FARS2: variants seen among roughly 807,000 people sequenced by gnomAD.
FARS2 encodes phenylalanine--tRNA ligase, mitochondrial.
A neutral mutation model predicts 46.4 loss-of-function variants in FARS2; 40 were observed. The ratio of observed to expected loss-of-function variants is 0.86; its 90% CI spans 0.67 to 1.12. The LOEUF is 1.12. Among genes scored for constraint, FARS2 ranks in the 50% most tolerant of loss-of-function variants. FARS2 has a pLI of 0.00. For missense variants in FARS2, 513 were observed against 567.9 expected, an observed-to-expected ratio of 0.90 and a Z score of 0.98; for synonymous variants, 234 against 214.9, an observed-to-expected ratio of 1.09 and a Z score of -0.78.
chr6:5,740,054 A>G (rs1365226354), intron 6 of FARS2, among the ~76,000 whole-genome samples: 1 of 152,214 alleles, frequency 6.6e-6, no homozygotes, highest in East Asian at 1.9e-4. Context: ...AAAGGCCCCC[A>G]GAGTCCATGC....
At chr6:5,540,835 G>A (rs573482724) in intron 4 of FARS2, among the ~76,000 whole-genome samples, 6 of 152,314 alleles carry the variant, frequency 3.9e-5, no homozygotes, top group African/African-American at 1.4e-4. Context: ...CTTCAATGAA[G>A]TTTTAGAGGA....
chr6:5,328,496 T>A (rs1221133942), intron 1 of FARS2, among the ~76,000 whole-genome samples: 1 of 152,188 alleles, frequency 6.6e-6, no homozygotes, highest in African/African-American at 2.4e-5. Context: ...AAGACGCAGG[T>A]TCTGGCTGAG....
chr6:5,338,982 G>A (rs1328250244), intron 1 of FARS2, among the ~76,000 whole-genome samples: 2 of 152,064 alleles, frequency 1.3e-5, no homozygotes, highest in African/African-American at 4.8e-5. Flanking sequence ...GTTTTTATGG[G>A]TGTCATATGT....
At position 5,466,673 on chromosome 6, in the gene FARS2, A is replaced by G. The variant is rs182417179; in HGVS notation, c.904+35501A>G. 7.5e-5 allele frequency: 74 copies of G among 985,380 alleles called. No homozygotes were observed. The East Asian group carries it at 6.5e-3, about 86-fold the overall frequency. 61.0% of individuals were successfully genotyped at this position (985,380 alleles called of 1,614,324 possible). On this transcript the variant is annotated intron_variant, in intron 4 of 6. Transcript: ENST00000274680. Reference sequence around the variant, plus strand: ...GGCATGCTGGCAAAGTGACTCAGTGATTTTCAAACCTGGGGAGCTGGATAA... The same window carrying G: ...GGCATGCTGGCAAAGTGACTCAGTGGTTTTCAAACCTGGGGAGCTGGATAA...
chr6:5,254,282 C>A, the FARS2 span, among the ~76,000 whole-genome samples: 1 of 152,214 alleles, frequency 6.6e-6, no homozygotes, highest in African/African-American at 2.4e-5. Flanking sequence ...CCAACTTCCA[C>A]TTCTTGAAGC....
chr6:5,511,201 A>G (rs1768432066), intron 4 of FARS2, among the ~76,000 whole-genome samples: 1 of 152,216 alleles, frequency 6.6e-6, no homozygotes, highest in African/African-American at 2.4e-5. Flanking sequence ...CAAGATGAAG[A>G]TTTTGTACAT....
chr6:5,503,105 T>A (rs1767896810), intron 4 of FARS2, among the ~76,000 whole-genome samples: 1 of 151,970 alleles, frequency 6.6e-6, no homozygotes, highest in South Asian at 2.1e-4. Context: ...ACATCCTCAC[T>A]AAATTAAGAA....
intron 4 of FARS2, among the ~76,000 whole-genome samples, chr6:5,536,980 C>T (rs1770241362): frequency 6.6e-6 from 1 of 152,112 alleles, no homozygotes; most frequent in Non-Finnish European, 1.5e-5. Context: ...ACTTAATTTC[C>T]CCCCACAATT....
chr6:5,335,503 ATTAG>A (rs1295098099), intron 1 of FARS2, among the ~76,000 whole-genome samples: 16 of 145,920 alleles, frequency 1.1e-4, no homozygotes, highest in Middle Eastern at 6.9e-3. Context: ...TGTAGAATTG[ATTAG>A]TTAGACTTAT....
chr6:5,383,082 A>G (rs901298243), intron 2 of FARS2, among the ~76,000 whole-genome samples: 2 of 152,198 alleles, frequency 1.3e-5, no homozygotes, highest in Non-Finnish European at 2.9e-5. Context: ...TGTTTAATGA[A>G]ATATCTGGGC....
At chr6:5,645,687 C>A (rs909252541) in intron 6 of FARS2, among the ~76,000 whole-genome samples, 3 of 152,180 alleles carry the variant, frequency 2.0e-5, no homozygotes, top group African/African-American at 7.2e-5. Flanking sequence ...ACTGGGGGAG[C>A]TTGGGTCCAG....
At chr6:5,558,993 A>G (rs1002648212) in intron 5 of FARS2, among the ~76,000 whole-genome samples, 7 of 152,152 alleles carry the variant, frequency 4.6e-5, no homozygotes, top group Non-Finnish European at 8.8e-5. Context: ...AAATGATGAT[A>G]TGTTCTAAAC....
chr6:5,467,775 CA>C (rs1489428626), intron 4 of FARS2, among the ~76,000 whole-genome samples: 1 of 151,972 alleles, frequency 6.6e-6, no homozygotes, highest in East Asian at 1.9e-4. Context: ...GTGGTCAGAC[CA>C]AAAGATGATT....
intron 6 of FARS2, among the ~76,000 whole-genome samples, chr6:5,735,963 A>C (rs1261972817): frequency 1.3e-5 from 2 of 152,374 alleles, no homozygotes; most frequent in South Asian, 2.1e-4. Flanking sequence ...GAAGGATATT[A>C]GATGAGTTAT....
At chr6:5,321,357 T>G (rs775997279) in intron 1 of FARS2, among the ~76,000 whole-genome samples, 20 of 152,226 alleles carry the variant, frequency 1.3e-4, no homozygotes, top group Admixed American at 2.0e-4. Flanking sequence ...TTTGTAGACG[T>G]AGCCTTTAAG....
At chr6:5,300,700 T>C (rs1421028588) in intron 1 of FARS2, among the ~76,000 whole-genome samples, 1 of 152,120 alleles carries the variant, frequency 6.6e-6, no homozygotes, top group Non-Finnish European at 1.5e-5. Flanking sequence ...AGACAGGGTC[T>C]TGCTCTGTTG....
chr6:5,628,164 G>C (rs529649605), intron 6 of FARS2, among the ~76,000 whole-genome samples: 1 of 152,160 alleles, frequency 6.6e-6, no homozygotes, highest in African/African-American at 2.4e-5. Context: ...TGACAGGAAC[G>C]GGGGAGATCA....
chr6:5,455,725 A>G (rs1396352486), intron 4 of FARS2, among the ~76,000 whole-genome samples: 1 of 80,700 alleles, frequency 1.2e-5, no homozygotes, highest in East Asian at 8.0e-4. Context: ...AAAGAGCTTT[A>G]TACTCAGCAT....
intron 6 of FARS2, among the ~76,000 whole-genome samples, chr6:5,756,810 T>G (rs983035975): frequency 4.6e-5 from 7 of 152,202 alleles, no homozygotes; most frequent in Non-Finnish European, 8.8e-5. Context: ...CTAACTGTCA[T>G]ACATAGGAAA....
Sources: gnomAD v4.1 joint callset for allele counts (sites outside exome capture counted in the v4.1 genomes callset) on GRCh38, gnomAD v4.1.1 for gene constraint, MANE v1.5 for transcripts, NCBI Gene and HGNC (gene_info 2026-07-23, HGNC 2026-07-21) for gene names.